PUS10: variants seen among roughly 807,000 people sequenced by gnomAD.
PUS10 encodes the protein pseudouridine synthase 10.
PUS10 carries 59 observed loss-of-function variants against 75.0 expected under a neutral mutation model. The observed-to-expected ratio is 0.79, with a 90% CI of 0.64 to 0.98. PUS10 has a LOEUF of 0.98. PUS10 is among the 50% of genes least tolerant of loss of function. PUS10 has a pLI of 0.00. For missense variants in PUS10, 650 were observed against 614.4 expected (o/e 1.06, Z -0.61); for synonymous variants, 219 against 211.6 (o/e 1.03, Z -0.30).
chr2:60,952,227 A>G (rs1242915426), intron 15 of PUS10, among the ~76,000 whole-genome samples: 3 of 151,432 alleles, frequency 2.0e-5, no homozygotes. Flanking sequence ...TCCGCTACCC[A>G]GGAGGCTGAG....
chr2:60,955,458 T>C (rs980436286), intron 11 of PUS10, among the ~76,000 whole-genome samples: 1 of 152,100 alleles, frequency 6.6e-6, no homozygotes, highest in South Asian at 2.1e-4. Context: ...GCCTCCCAAG[T>C]AGCTGGGATC....
chr2:60,949,933 A>C (rs1381651369), intron 15 of PUS10, among the ~76,000 whole-genome samples: 3 of 152,162 alleles, frequency 2.0e-5, no homozygotes, highest in African/African-American at 4.8e-5. Flanking sequence ...ATTGTTTCTG[A>C]ATTATCTCTA....
In PUS10 at chr2:60,953,032, G is replaced by C; in HGVS notation, c.1273C>G (p.Gln425Glu). The change falls in exon 15 of 18, where the codon CAG (glutamine) becomes GAG (glutamate). Residue 425 changes from glutamine to glutamate, a missense_variant. Transcript: ENST00000316752. Reference sequence around the variant, plus strand: ...TTTAGGAATTCAATGTCTTTCTTCTGTATCGCTTTATTTGTCCAAATTAAG... The same window carrying C: ...TTTAGGAATTCAATGTCTTTCTTCTCTATCGCTTTATTTGTCCAAATTAAG... Reference protein sequence around the residue: ...SALIWTNKAIQKKDIEFLNDI... With the variant: ...SALIWTNKAIEKKDIEFLNDI... The C allele has an allele frequency of 1.3e-6, 2 of 1,595,516 alleles. No individual in the cohort carries two copies. Among genetic ancestry groups the C allele is most frequent in the South Asian group, 1.1e-5 (1 of 90,626 alleles).
chr2:60,967,663 TATTAAAG>T, intron 5 of PUS10, 50 bp from the exon 6 acceptor site: 1 of 1,259,734 alleles, frequency 7.9e-7, no homozygotes. Flanking sequence ...TTACTTTTTC[TATTAAAG>T]GCAAGAATTT....
At chr2:60,959,446 A>G (rs536103495) in intron 11 of PUS10, among the ~76,000 whole-genome samples, 1 of 152,278 alleles carries the variant, frequency 6.6e-6, no homozygotes, top group East Asian at 1.9e-4. Context: ...GCTGGAGTGC[A>G]GTAGTGCGAG....
intron 4 of PUS10, among the ~76,000 whole-genome samples, chr2:60,996,090 G>A (rs1558967349): frequency 6.6e-6 from 1 of 152,208 alleles, no homozygotes; most frequent in East Asian, 1.9e-4. Context: ...AATTAGGCTT[G>A]CTTCTAGTCC....
intron 4 of PUS10, among the ~76,000 whole-genome samples, chr2:60,979,573 C>T (rs1452154769): frequency 6.6e-6 from 1 of 152,186 alleles, no homozygotes; most frequent in Non-Finnish European, 1.5e-5. Flanking sequence ...TTCTTCTTTT[C>T]CCCAAAGGCT....
At chr2:61,010,498 T>C in intron 2 of PUS10, 1 of 227,288 alleles carries the variant, frequency 4.4e-6, no homozygotes, top group Non-Finnish European at 9.0e-6. Flanking sequence ...AGCTAATATT[T>C]GTATTTTTAG....
intron 10 of PUS10, 138 bp from the exon 11 acceptor site, chr2:60,960,655 A>C: frequency 1.5e-6 from 1 of 672,988 alleles, no homozygotes; most frequent in South Asian, 2.5e-5. Flanking sequence ...CCTAACTAAC[A>C]ATCCAATTTG....
intron 4 of PUS10, among the ~76,000 whole-genome samples, chr2:60,972,318 A>C (rs1401647925): frequency 6.6e-6 from 1 of 151,384 alleles, no homozygotes; most frequent in Non-Finnish European, 1.5e-5. Flanking sequence ...AAGTACAAAA[A>C]AATTAGCCGG....
intron 15 of PUS10, among the ~76,000 whole-genome samples, chr2:60,952,683 G>A (rs1260285320): frequency 6.6e-6 from 1 of 152,182 alleles, no homozygotes; most frequent in Non-Finnish European, 1.5e-5. Flanking sequence ...TTTTATAGAT[G>A]AAGAAATTGA....
intron 8 of PUS10, among the ~76,000 whole-genome samples, chr2:60,963,505 T>C (rs1447572685): frequency 1.3e-5 from 2 of 152,184 alleles, no homozygotes; most frequent in Admixed American, 6.5e-5. Context: ...AACTGCACAG[T>C]AGACACACTA....
At chr2:60,944,620 T>C (rs894246904) in intron 17 of PUS10, among the ~76,000 whole-genome samples, 5 of 152,236 alleles carry the variant, frequency 3.3e-5, no homozygotes, top group Admixed American at 6.5e-5. Context: ...GGGGTCCTTA[T>C]AGAACTGCTT....
rs138283915 is a variant in PUS10, at chr2:60,953,036, C to T, written c.1269G>A (p.Ala423=). ...GGAATTCAATGTCTTTCTTCTGTAT[C>T]GCTTTATTTGTCCAAATTAAGGCAC... ...TYSALIWTNK[A]IQKKDIEFLN... is the part of the protein sequence containing the mutation. The change falls in exon 15 of 18, where the codon GCG becomes GCA. Residue 423 remains alanine (A), a synonymous_variant. Coordinates refer to ENST00000316752, the MANE Select transcript of PUS10 (RefSeq NM_144709.4). The T allele has an allele frequency of 4.2e-5, 67 of 1,600,098 alleles. No individual in the cohort carries two copies. Among genetic ancestry groups the T allele is most frequent in the Middle Eastern group, 1.6e-4 (1 of 6,066 alleles).
intron 4 of PUS10, among the ~76,000 whole-genome samples, chr2:60,998,421 G>A (rs546063907): frequency 3.3e-5 from 5 of 152,332 alleles, no homozygotes; most frequent in African/African-American, 1.2e-4. Flanking sequence ...GTTGGGTGCA[G>A]TGGTTCATGC....
At position 61,006,683 on chromosome 2, in the gene PUS10, C is replaced by T. The variant is rs757950867; in HGVS notation, c.382-40G>A. ...CAATTATGTAAATTCCCAGGAATTG[C>T]TGAAAATATTACTTACCCTAATCTT... On this transcript the variant is annotated intron_variant, in intron 3 of 17. Coordinates refer to ENST00000316752, the MANE Select transcript of PUS10 (RefSeq NM_144709.4). 3 of 1,474,308 alleles carry T rather than the reference C, an allele frequency of 2.0e-6. No individual in the cohort carries two copies. The Admixed American group carries it at 5.4e-5, about 26-fold the overall frequency. 91.3% of individuals were successfully genotyped at this position (1,474,308 alleles called of 1,614,324 possible).
At chr2:60,947,580 A>G (rs1675025594) in intron 16 of PUS10, among the ~76,000 whole-genome samples, 1 of 152,242 alleles carries the variant, frequency 6.6e-6, no homozygotes, top group Non-Finnish European at 1.5e-5. Flanking sequence ...CTGTAATCAC[A>G]GCACTTCGGA....
chr2:60,997,047 A>G (rs935291382), intron 4 of PUS10, among the ~76,000 whole-genome samples: 3 of 152,244 alleles, frequency 2.0e-5, no homozygotes, highest in African/African-American at 7.2e-5. Flanking sequence ...TCATATAGAT[A>G]TATGATTCCA....
chr2:60,962,635 A>G (rs984366889), intron 9 of PUS10, among the ~76,000 whole-genome samples, 191 bp downstream of exon 9: 1 of 152,306 alleles, frequency 6.6e-6, no homozygotes. Flanking sequence ...CTTGATATTA[A>G]TTTGACAAAC....
Sources: gnomAD v4.1 joint callset for allele counts (sites outside exome capture counted in the v4.1 genomes callset) on GRCh38, gnomAD v4.1.1 for gene constraint, MANE v1.5 for transcripts, NCBI Gene and HGNC (gene_info 2026-07-23, HGNC 2026-07-21) for gene names.